Variants in SLC23A2 observed in about 807,000 individuals in gnomAD.
The protein encoded by SLC23A2 is Na(+)/L-ascorbic acid transporter 2.
A neutral mutation model predicts 73.3 loss-of-function variants in SLC23A2; 36 were observed. The ratio of observed to expected loss-of-function variants is 0.49; its 90% CI spans 0.38 to 0.65. The LOEUF (loss-of-function observed/expected upper bound fraction) is 0.65, where lower values mean the gene tolerates loss of function less well. Ranked by LOEUF, SLC23A2 falls within the 30% of genes least tolerant of loss-of-function variation. The pLI, the probability that SLC23A2 is intolerant of heterozygous loss-of-function variation, is 0.00. For missense variants in SLC23A2, 507 were observed against 841.6 expected (o/e 0.60, Z 4.92); for synonymous variants, 343 against 327.3 (o/e 1.05, Z -0.52).
chr20:4,912,668 A>C (rs1430103572), intron 4 of SLC23A2, among the ~76,000 whole-genome samples: 1 of 84,218 alleles, frequency 1.2e-5, no homozygotes, highest in Non-Finnish European at 2.2e-5. Flanking sequence ...TAAAACAATC[A>C]AAAAAAAAAA....
rs115640885 is a variant in SLC23A2, at chr20:4,894,525, C to A, written c.482+5030G>T. On this transcript the variant is annotated intron_variant, in intron 6 of 16. Transcript: ENST00000338244. ...CCAGTCAGCCTTGGGAAATGTACCC[C>A]CATGCTGTGGCATCTACAATCGGCC... is the stretch of plus-strand genomic sequence containing the variant. 2.5e-3 allele frequency among the ~76,000 whole-genome samples: 381 copies of A among 152,322 alleles called. 1 individual carries two copies. The highest frequency in any genetic ancestry group is 8.8e-3 in the African/African-American group (366 of 41,566).
intron 3 of SLC23A2, among the ~76,000 whole-genome samples, chr20:4,929,862 G>T (rs1005577328): frequency 6.6e-6 from 1 of 152,128 alleles, no homozygotes; most frequent in African/African-American, 2.4e-5. Flanking sequence ...GAGAAATGAG[G>T]ACAGGCTGGA....
intron 3 of SLC23A2, among the ~76,000 whole-genome samples, chr20:4,919,493 C>T (rs544805869): frequency 2.0e-5 from 3 of 152,330 alleles, no homozygotes; most frequent in African/African-American, 7.2e-5. Flanking sequence ...CTCCCCATGC[C>T]GGCCCACAGC....
intron 9 of SLC23A2, among the ~76,000 whole-genome samples, chr20:4,875,662 C>T (rs1020490132): frequency 2.0e-5 from 3 of 152,198 alleles, no homozygotes; most frequent in African/African-American, 7.2e-5. Context: ...CAGTCCATGA[C>T]ATCGGTCTGG....
chr20:4,934,725 T>G (rs1397465360), intron 2 of SLC23A2, among the ~76,000 whole-genome samples: 1 of 151,822 alleles, frequency 6.6e-6, no homozygotes, highest in South Asian at 2.1e-4. Flanking sequence ...TAGCCAGGCG[T>G]GGTGGCAGGC....
intron 1 of SLC23A2, among the ~76,000 whole-genome samples, chr20:4,976,308 G>A (rs1019181905): frequency 2.0e-5 from 3 of 152,016 alleles, no homozygotes; most frequent in Non-Finnish European, 2.9e-5. Context: ...ACTTGAAATA[G>A]AGGACATTTT....
rs1032750440 is a variant in SLC23A2 at position 4,862,345 on chromosome 20, C to A, written c.1487-260G>T. 6.6e-6 allele frequency among the ~76,000 whole-genome samples: 1 copy of A among 152,168 alleles called. No homozygotes were observed. The highest frequency in any genetic ancestry group is 2.4e-5 in the African/African-American group (1 of 41,432). The stretch of plus-strand genomic sequence containing the variant: ...GGCATTTTGTTTGTCAAATAGAAAA[C>A]TAAGGACATTGGTTCTCTCTCTACA... On this transcript the variant is annotated intron_variant, in intron 14 of 16. Coordinates refer to ENST00000338244, the MANE Select transcript of SLC23A2 (RefSeq NM_005116.6). This position sits in a 1 kb window ranked among gnomAD's most constrained non-coding sequence, Gnocchi z 5.1.
chr20:4,954,835 C>A (rs16990453), intron 2 of SLC23A2, among the ~76,000 whole-genome samples: 8,122 of 152,124 alleles, frequency 0.053, 395 homozygotes, highest in African/African-American at 0.12. Context: ...TGATCTCATA[C>A]CAAAGGCAAT....
Position 4,999,213 on chromosome 20 carries a change from A to G in SLC23A2, c.-282+2193T>C, listed in dbSNP as rs185721332. Among the ~76,000 whole-genome samples, 133 of 152,328 alleles carry G rather than the reference A, an allele frequency of 8.7e-4. 1 individual carries two copies. Among genetic ancestry groups the G allele is most frequent in the African/African-American group, 3.0e-3 (126 of 41,572 alleles). Reference sequence around the variant, plus strand: ...AGATCCCTGGTTTGTCTTTAGAGACACTGAAGAGGACAACAATAGCCAATT... The same window carrying G: ...AGATCCCTGGTTTGTCTTTAGAGACGCTGAAGAGGACAACAATAGCCAATT... On this transcript the variant is annotated intron_variant, in intron 1 of 16. Coordinates refer to ENST00000338244, the MANE Select transcript of SLC23A2 (RefSeq NM_005116.6).
intron 2 of SLC23A2, among the ~76,000 whole-genome samples, chr20:4,933,451 TAAA>T (rs113618856): frequency 6.9e-6 from 1 of 145,884 alleles, no homozygotes; most frequent in Non-Finnish European, 1.5e-5. Context: ...CCGTCTCTAC[TAAA>T]AAAAAAAATA....
At chr20:4,964,641 C>T (rs774565550) in intron 2 of SLC23A2, among the ~76,000 whole-genome samples, 1 of 151,708 alleles carries the variant, frequency 6.6e-6, no homozygotes, top group South Asian at 2.1e-4. Context: ...CCTGATAATC[C>T]CATTTCAGTG....
intron 1 of SLC23A2, among the ~76,000 whole-genome samples, chr20:4,987,619 T>C (rs1331630562): frequency 6.6e-6 from 1 of 150,768 alleles, no homozygotes; most frequent in Non-Finnish European, 1.5e-5. Flanking sequence ...AAGGCCGAGG[T>C]GGGCAGATCA....
chr20:4,879,408 C>CACAAAAA (rs1930790752), intron 9 of SLC23A2, among the ~76,000 whole-genome samples: 1 of 43,008 alleles, frequency 2.3e-5, no homozygotes, highest in African/African-American at 9.0e-5. Flanking sequence ...AACTCTGTCT[C>CACAAAAA]AAAAAAAAAA....
At chr20:4,924,251 C>T (rs1174684808) in intron 3 of SLC23A2, among the ~76,000 whole-genome samples, 1 of 152,204 alleles carries the variant, frequency 6.6e-6, no homozygotes, top group Non-Finnish European at 1.5e-5. Flanking sequence ...CTCTCGGCCA[C>T]ACCTCCAGCC....
At chr20:4,858,535 AT>A (rs1166894713) in intron 16 of SLC23A2, among the ~76,000 whole-genome samples, 1 of 149,250 alleles carries the variant, frequency 6.7e-6, no homozygotes. Context: ...GAGGTTTTTT[AT>A]TTTTTTTGGA....
In SLC23A2 at chr20:4,859,394, G is replaced by GAACA. The variant is rs1201820247; in HGVS notation, c.1625-14_1625-11dup. The GAACA allele has an allele frequency of 1.9e-6, 3 of 1,579,656 alleles. No individual in the cohort carries two copies. The highest frequency in any genetic ancestry group is 2.6e-6 in the Non-Finnish European group (3 of 1,148,780). ...TCGATTCCTGTTATCCCTAGAAAGA[G>GAACA]AACACAGCCATAAACGATCAGTGCC... On this transcript the variant is annotated splice_polypyrimidine_tract_variant and intron_variant, in intron 15 of 16. Coordinates refer to ENST00000338244, the MANE Select transcript of SLC23A2 (RefSeq NM_005116.6).
chr20:4,874,674 A>G lies in SLC23A2; in HGVS notation c.847T>C (p.Phe283Leu). The stretch of plus-strand genomic sequence containing the variant: ...TTAACATTTCTGGCGTATTGAGAAA[A>G]CAGTAATACTAGGAATATTGTCCTG... ...AMLTIFLVLL[F>L]SQYARNVKFP... The change falls in exon 10 of 17, where the codon TTT becomes CTT. Residue 283 changes from phenylalanine (F) to leucine (L), a missense_variant. Physicochemically the swap from Phe to Leu is conservative, Grantham distance 22. This residue lies in a region of SLC23A2 where 217 missense variants were observed against 398.0 expected (regional missense o/e 0.55). Transcript: ENST00000338244. The G allele has an allele frequency of 6.2e-7, 1 of 1,611,312 alleles. No homozygotes were observed.
rs1452417469 is a variant in SLC23A2, at chr20:4,932,436, A to C, written c.108+19T>G. The C allele has an allele frequency of 7.8e-7, 1 of 1,283,904 alleles. No homozygotes were observed. The highest frequency in any genetic ancestry group is 1.1e-6 in the Non-Finnish European group (1 of 878,138). 79.5% of individuals were successfully genotyped at this position (1,283,904 alleles called of 1,614,324 possible). Reference sequence around the variant, plus strand: ...TACTTTCAAGAGATTTAAGAAAGGAAGATGGGGAATATGATTACCGGAAGA... The same window carrying C: ...TACTTTCAAGAGATTTAAGAAAGGACGATGGGGAATATGATTACCGGAAGA... On this transcript the variant is annotated intron_variant, in intron 3 of 16. Coordinates refer to ENST00000338244, the MANE Select transcript of SLC23A2 (RefSeq NM_005116.6).
intron 2 of SLC23A2, among the ~76,000 whole-genome samples, chr20:4,970,320 C>T (rs767777233): frequency 2.0e-5 from 3 of 152,120 alleles, no homozygotes; most frequent in African/African-American, 4.8e-5. Context: ...ATTAACCTAA[C>T]AATTCATTAT....
Sources: gnomAD v4.1 joint callset for allele counts (sites outside exome capture counted in the v4.1 genomes callset) on GRCh38, gnomAD v4.1.1 for gene constraint, gnomAD v4.1.1 regional missense constraint, Gnocchi (gnomAD v3.1) non-coding constraint, MANE v1.5 for transcripts, NCBI Gene and HGNC (gene_info 2026-07-23, HGNC 2026-07-21) for gene names.